RNF152: variants seen among roughly 807,000 people sequenced by gnomAD.
RNF152 encodes the protein E3 ubiquitin-protein ligase RNF152.
Under a neutral mutation model 12.7 loss-of-function variants are expected in RNF152, and 11 were observed. The ratio of observed to expected loss-of-function variants is 0.86; its 90% CI spans 0.54 to 1.43. The LOEUF is 1.43. Among genes scored for constraint, RNF152 ranks in the 40% most tolerant of loss-of-function variants. The probability of loss-of-function intolerance (pLI) is 0.00; values close to 1 mark genes in which losing one functional copy is unlikely to be tolerated. For synonymous variants in RNF152, 113 were observed against 120.3 expected (o/e 0.94, Z 0.40); for missense variants, 255 against 274.8 (o/e 0.93, Z 0.51).
At chr18:61,872,733 C>T (rs1451779272) in intron 1 of RNF152, among the ~76,000 whole-genome samples, 4 of 152,210 alleles carry the variant, frequency 2.6e-5, no homozygotes, top group East Asian at 1.9e-4. Context: ...TCATGATTTT[C>T]GCAGCTATTT....
At chr18:61,873,425 C>A (rs188626309) in intron 1 of RNF152, among the ~76,000 whole-genome samples, 1 of 152,310 alleles carries the variant, frequency 6.6e-6, no homozygotes, top group Admixed American at 6.5e-5. Context: ...GCAACCTCTG[C>A]CTCCTGGGTT....
intron 1 of RNF152, among the ~76,000 whole-genome samples, chr18:61,886,521 A>G (rs1912705991): frequency 6.6e-6 from 1 of 152,240 alleles, no homozygotes; most frequent in African/African-American, 2.4e-5. Flanking sequence ...TTTTTGTTAC[A>G]TGATTTTGCC....
chr18:61,870,914 C>T lies in RNF152; in HGVS notation c.-136+21881G>A, dbSNP rs138440399. Among the ~76,000 whole-genome samples, 3 of 152,242 alleles carry T rather than the reference C, an allele frequency of 2.0e-5. No individual in the cohort carries two copies. The East Asian group carries it at 5.8e-4, about 30-fold the overall frequency. On this transcript the variant is annotated intron_variant, in intron 1 of 1. Transcript: ENST00000312828. ...CATCCCCCAAATCAGTTCAGCCCAG[C>T]TGTCTAGATAATGTGCTACCTTAGT...
At chr18:61,830,342 T>C (rs963920174) in intron 1 of RNF152, among the ~76,000 whole-genome samples, 5 of 152,074 alleles carry the variant, frequency 3.3e-5, no homozygotes, top group African/African-American at 1.2e-4. Flanking sequence ...AGAGCTTTTT[T>C]ATCATCCCAA....
chr18:61,836,582 C>T (rs1335873057), intron 1 of RNF152, among the ~76,000 whole-genome samples: 1 of 152,172 alleles, frequency 6.6e-6, no homozygotes, highest in Non-Finnish European at 1.5e-5. Flanking sequence ...CGAATCTGAC[C>T]ATGTTCAGCA....
intron 1 of RNF152, chr18:61,888,734 T>C (rs767071689): frequency 1.3e-5 from 2 of 152,214 alleles, no homozygotes; most frequent in Admixed American, 6.5e-5. Context: ...TTTATCCCAA[T>C]TGTGATTTCA....
At chr18:61,818,695 A>G (rs1909233543) in intron 1 of RNF152, among the ~76,000 whole-genome samples, 1 of 152,250 alleles carries the variant, frequency 6.6e-6, no homozygotes, top group Admixed American at 6.5e-5. Context: ...ATACTGTAGG[A>G]TATAAATCAG....
rs1452151886 is a variant in RNF152 at position 61,810,190 on chromosome 18, A to G, written c.*5662T>C. ...CAGTTAAGAAATTAGCATCTAATCCAATATTGTATAACTCACAAATTGGAA... is the reference window on the plus strand; with the variant it reads ...CAGTTAAGAAATTAGCATCTAATCCGATATTGTATAACTCACAAATTGGAA... On this transcript the variant is annotated 3_prime_UTR_variant, in exon 2 of 2. Transcript: ENST00000312828. The G allele has an allele frequency of 6.6e-6, 1 of 152,222 alleles. No homozygotes were observed. The highest frequency in any genetic ancestry group is 1.5e-5 in the Non-Finnish European group (1 of 68,030). 9.4% of individuals were successfully genotyped at this position (152,222 alleles called of 1,614,324 possible). A position where few individuals can be genotyped will look rare whatever the true frequency, so the allele number is the denominator to read the frequency against.
intron 1 of RNF152, among the ~76,000 whole-genome samples, chr18:61,844,528 C>T (rs928331783): frequency 5.9e-5 from 9 of 152,162 alleles, no homozygotes; most frequent in Admixed American, 2.0e-4. Flanking sequence ...GTTTTATGTG[C>T]TTGTTGGTAT....
chr18:61,847,096 C>A (rs944117572), intron 1 of RNF152, among the ~76,000 whole-genome samples: 1 of 152,028 alleles, frequency 6.6e-6, no homozygotes, highest in African/African-American at 2.4e-5. Flanking sequence ...ACTCCTCCCC[C>A]ATACTTAGTC....
chr18:61,816,557 G>T lies in RNF152; in HGVS notation c.-94C>A. The T allele has an allele frequency of 7.1e-7, 1 of 1,406,684 alleles. No individual in the cohort carries two copies. Among genetic ancestry groups the T allele is most frequent in the Non-Finnish European group, 9.7e-7 (1 of 1,032,334 alleles). The allele number at this position is 1,406,684 out of a possible 1,614,324, so 87.1% of individuals were successfully genotyped here. Reference sequence around the variant, plus strand: ...CCTGTGTCTTTGCAGTGCAGGTAATGGCAAGCTCACAGGCATCCAGTACTC... The same window carrying T: ...CCTGTGTCTTTGCAGTGCAGGTAATTGCAAGCTCACAGGCATCCAGTACTC... On this transcript the variant is annotated 5_prime_UTR_variant, in exon 2 of 2. Transcript: ENST00000312828.
chr18:61,843,797 G>A (rs562679990), intron 1 of RNF152, among the ~76,000 whole-genome samples: 25 of 152,188 alleles, frequency 1.6e-4, no homozygotes, highest in African/African-American at 4.8e-4. Flanking sequence ...GGTTGCCAGG[G>A]AATGGGGAAA....
In RNF152 at chr18:61,833,375, T is replaced by C. The variant is rs530268160; in HGVS notation, c.-135-16777A>G. 1.8e-3 allele frequency among the ~76,000 whole-genome samples: 268 copies of C among 152,298 alleles called. 2 individuals carry two copies. The highest frequency in any genetic ancestry group is 3.1e-3 in the Non-Finnish European group (208 of 68,024). ...AATTTAACCTACATTAGAAAGAAGG[T>C]GGAGGTAGCAAAGCCTCAAAGAATC... On this transcript the variant is annotated intron_variant, in intron 1 of 1. Transcript: ENST00000312828.
rs1332789072 is a variant in RNF152, at chr18:61,816,151, G to T, written c.313C>A (p.Pro105Thr). ...PSNGCYMLPLPISKERALLPG... is the reference protein window; with the variant it reads ...PSNGCYMLPLTISKERALLPG... ...AGCAGCGCACGCTCCTTGGAGATGGGCAGGGGCAGCATGTAGCACCCATTG... is the reference window on the plus strand; with the variant it reads ...AGCAGCGCACGCTCCTTGGAGATGGTCAGGGGCAGCATGTAGCACCCATTG... Residue 105 changes from proline (P) to threonine (T), a missense_variant, in exon 2 of 2, where the codon CCC (proline) becomes ACC (threonine). By Grantham distance (38) the Pro-to-Thr change is conservative (BLOSUM62 -1). Coordinates refer to ENST00000312828, the MANE Select transcript of RNF152 (RefSeq NM_173557.3). The T allele has an allele frequency of 6.2e-7, 1 of 1,614,100 alleles. No homozygotes were observed. Among genetic ancestry groups the T allele is most frequent in the Non-Finnish European group, 8.5e-7 (1 of 1,180,040 alleles).
chr18:61,868,566 C>T (rs939023417), intron 1 of RNF152, among the ~76,000 whole-genome samples: 1 of 152,016 alleles, frequency 6.6e-6, no homozygotes, highest in African/African-American at 2.4e-5. Flanking sequence ...AGCCGGGCGT[C>T]ATGGCAGGCA....
intron 1 of RNF152, among the ~76,000 whole-genome samples, chr18:61,844,155 AAGGAAGGGAGGAAGGG>A (rs144355330): frequency 7.2e-6 from 1 of 138,468 alleles, no homozygotes; most frequent in Non-Finnish European, 1.6e-5. Context: ...AGAGAAAAGG[AAGGAAGGGAGGAAGGG>A]AGGAAGAGAG....
intron 1 of RNF152, among the ~76,000 whole-genome samples, chr18:61,847,404 C>T (rs991762706): frequency 1.4e-4 from 22 of 152,192 alleles, no homozygotes; most frequent in African/African-American, 4.6e-4. Context: ...TTGTTACAGT[C>T]AGAGCTGGTC....
At chr18:61,865,796 T>C (rs1911700271) in intron 1 of RNF152, among the ~76,000 whole-genome samples, 1 of 152,206 alleles carries the variant, frequency 6.6e-6, no homozygotes, top group Non-Finnish European at 1.5e-5. Context: ...CCATGACAGC[T>C]GTCCCAATCC....
At chr18:61,875,296 T>C (rs1199408968) in intron 1 of RNF152, among the ~76,000 whole-genome samples, 1 of 152,256 alleles carries the variant, frequency 6.6e-6, no homozygotes, top group Non-Finnish European at 1.5e-5. Flanking sequence ...AAGCACCGTC[T>C]GTAAAATCTT....
Sources: allele counts gnomAD v4.1 joint callset (sites outside exome capture counted in the v4.1 genomes callset), GRCh38; gene constraint gnomAD v4.1.1; transcripts MANE v1.5; gene names NCBI Gene and HGNC (gene_info 2026-07-23, HGNC 2026-07-21).